The following UPF1 variants were observed in gnomAD, a reference collection of about 807,000 sequenced individuals.
UPF1 encodes the protein UPF1 RNA helicase and ATPase, also known as regulator of nonsense transcripts 1.
A neutral mutation model predicts 129.2 loss-of-function variants in UPF1; 9 were observed. That is an observed-to-expected ratio of 0.07 (90% CI 0.04 to 0.12). The LOEUF (loss-of-function observed/expected upper bound fraction) is 0.12. Ranked by LOEUF, UPF1 falls within the 10% of genes least tolerant of loss-of-function variation. The pLI is 1.00. For synonymous variants in UPF1, 649 were observed against 644.9 expected (o/e 1.01, Z -0.10); for missense variants, 788 against 1,525.3 (o/e 0.52, Z 8.05).
At chr19:18,860,558 A>T in intron 16 of UPF1, 120 bp downstream of exon 16, 1 of 1,056,406 alleles carries the variant, frequency 9.5e-7, no homozygotes, top group Non-Finnish European at 1.4e-6. Context: ...TTTCCTGTTT[A>T]GCCTGTTTAG....
chr19:18,848,050 C>G (rs1273679812), intron 3 of UPF1: 2 of 478,236 alleles, frequency 4.2e-6, no homozygotes, highest in African/African-American at 3.9e-5. Flanking sequence ...TTTTATTATG[C>G]AAGTAGGGTT....
chr19:18,857,250 C>T lies in UPF1; in HGVS notation c.1969-70C>T, dbSNP rs575297799. 146 of 1,537,486 alleles carry T rather than the reference C, an allele frequency of 9.5e-5. No homozygotes were observed. The African/African-American group carries it at 1.6e-3, about 17-fold the overall frequency. On this transcript the variant is annotated intron_variant, in intron 14 of 23. Transcript: ENST00000262803. The stretch of plus-strand genomic sequence containing the variant: ...CCTGTGCATCCTGGGGCCCCTACTT[C>T]CTTGCTAGTGTGTGTTGAGGCTGAT...
chr19:18,866,337 C>T (rs1428317833), intron 23 of UPF1, among the ~76,000 whole-genome samples, 171 bp downstream of exon 23: 1 of 152,178 alleles, frequency 6.6e-6, no homozygotes, highest in Non-Finnish European at 1.5e-5. Flanking sequence ...CACTGCTAGT[C>T]AGGGTGGCTC....
chr19:18,848,259 C>A (rs1005894703), intron 3 of UPF1: 6 of 169,834 alleles, frequency 3.5e-5, no homozygotes, highest in Admixed American at 2.4e-4. Flanking sequence ...CCTGAATCAT[C>A]GGCTTCAATT....
At position 18,865,248 on chromosome 19, in the gene UPF1, C is replaced by A; in HGVS notation, c.2858-41C>A. 1 of 1,564,688 alleles carries A rather than the reference C, an allele frequency of 6.4e-7. No homozygotes were observed. The highest frequency in any genetic ancestry group is 2.3e-5 in the East Asian group (1 of 43,414). ...GGGTGGGGTATCGCTGGGGTTTGAC[C>A]GAGGCAGGTGACACCTGCCGTGTTC... On this transcript the variant is annotated intron_variant, in intron 20 of 23. Coordinates refer to ENST00000262803, the MANE Select transcript of UPF1 (RefSeq NM_002911.4). This position sits in a 1 kb window ranked among gnomAD's most constrained non-coding sequence, Gnocchi z 6.1.
At position 18,853,190 on chromosome 19, in the gene UPF1, C is replaced by CT. The variant is rs1601114038; in HGVS notation, c.1058-61dup. 9 of 1,595,830 alleles carry CT rather than the reference C, an allele frequency of 5.6e-6. No homozygotes were observed. Among genetic ancestry groups the CT allele is most frequent in the Non-Finnish European group, 7.7e-6 (9 of 1,167,514 alleles). On this transcript the variant is annotated intron_variant, in intron 7 of 23. Transcript: ENST00000262803. This position sits in a 1 kb window ranked among gnomAD's most constrained non-coding sequence, Gnocchi z 4.4. ...TGTAAAGTGCCCCTTAATTTGAACT[C>CT]TCCCTGGTGGAAGCGACGGCGTGGG...
In UPF1 at chr19:18,865,924, G is replaced by T; in HGVS notation, c.3238-120G>T. ...CCCTGGGCTGGGGTCATCAGAGTGG[G>T]TCTCCTGGGTCTTAGTTTGGGGACG... On this transcript the variant is annotated intron_variant, in intron 22 of 23. Transcript: ENST00000262803. This position sits in a 1 kb window ranked among gnomAD's most constrained non-coding sequence, Gnocchi z 6.1. The T allele has an allele frequency of 6.3e-7, 1 of 1,582,902 alleles. No homozygotes were observed. The highest frequency in any genetic ancestry group is 1.1e-5 in the South Asian group (1 of 88,304).
rs1263102593 is a variant in UPF1 at position 18,852,248 on chromosome 19, C to T, written c.924C>T (p.Pro308=). ...ACCAGTACCAGAACATATTCGGGCC[C>T]CTGGTCAAGCTGGAGGCCGACTACG... is the stretch of plus-strand genomic sequence containing the variant. ...DAYQYQNIFG[P]LVKLEADYDK... The change falls in exon 6 of 24, where the codon CCC becomes CCT. Residue 308 remains proline, a synonymous_variant. Coordinates refer to ENST00000262803, the MANE Select transcript of UPF1 (RefSeq NM_002911.4). The T allele has an allele frequency of 6.2e-7, 1 of 1,613,762 alleles. No individual in the cohort carries two copies. The highest frequency in any genetic ancestry group is 8.5e-7 in the Non-Finnish European group (1 of 1,179,796).
Position 18,866,180 on chromosome 19 carries a change from G to A in UPF1, c.*3+14G>A, listed in dbSNP as rs918185291. On this transcript the variant is annotated intron_variant, in intron 23 of 23. Transcript: ENST00000262803. ...CAGTATTAAAAGGCAAGCCCCCCTG[G>A]AGCAGGCCTGGCCCCACCCCAGCCT... 1.3e-6 allele frequency: 2 copies of A among 1,574,428 alleles called. No individual in the cohort carries two copies. The highest frequency in any genetic ancestry group is 2.7e-5 in the African/African-American group (2 of 73,738).
chr19:18,850,349 G>A lies in UPF1; in HGVS notation c.629+107G>A. ...GCCGTGGCTCTAACTCCAGGGAGTT[G>A]TCCTCCAAAGATGGTTTTTGCTGAA... is the stretch of plus-strand genomic sequence containing the variant. On this transcript the variant is annotated intron_variant, in intron 4 of 23. Coordinates refer to ENST00000262803, the MANE Select transcript of UPF1 (RefSeq NM_002911.4). The surrounding 1 kb of genome is among the most constrained non-coding windows in gnomAD (Gnocchi z 7.1). 7.0e-7 allele frequency: 1 copy of A among 1,430,584 alleles called. No homozygotes were observed. Among genetic ancestry groups the A allele is most frequent in the Non-Finnish European group, 9.3e-7 (1 of 1,071,788 alleles). 88.6% of individuals were successfully genotyped at this position (1,430,584 alleles called of 1,614,324 possible). A position where few individuals can be genotyped will look rare whatever the true frequency, so the allele number is the denominator to read the frequency against.
At chr19:18,849,821 A>T (rs1291911448) in intron 3 of UPF1, 11 of 490,884 alleles carry the variant, frequency 2.2e-5, no homozygotes, top group Admixed American at 1.1e-4. Flanking sequence ...CAGGATTTTT[A>T]AAAAAGGCAG....
intron 1 of UPF1, among the ~76,000 whole-genome samples, chr19:18,836,321 C>T (rs1001437450): frequency 6.6e-6 from 1 of 152,128 alleles, no homozygotes; most frequent in Non-Finnish European, 1.5e-5. Flanking sequence ...ATCCTCCAAA[C>T]GGGAACTAGA....
At position 18,832,418 on chromosome 19, in the gene UPF1, C is replaced by A. The variant is rs1392798663; in HGVS notation, c.209C>A (p.Ala70Glu). The stretch of plus-strand genomic sequence containing the variant: ...CCGGGCGGCGCGGGCGCGGGCGCTG[C>A]GGCGGGACAGCTCGACGCGCAGGTG... ...GGPGGAGAGA[A>E]AGQLDAQVGP... Residue 70 changes from alanine (A) to glutamate (E), a missense_variant, in exon 1 of 24, where the codon GCG (alanine) becomes GAG (glutamate). By Grantham distance (107) the Ala-to-Glu change is moderately radical. Around this residue, in one of 6 missense-constraint regions of UPF1, gnomAD observed 112 missense variants for 128.2 expected, o/e 0.87. Coordinates refer to ENST00000262803, the MANE Select transcript of UPF1 (RefSeq NM_002911.4). This position sits in a 1 kb window ranked among gnomAD's most constrained non-coding sequence, Gnocchi z 5.6. 1 of 997,462 alleles carries A rather than the reference C, an allele frequency of 1.0e-6. No individual in the cohort carries two copies. The highest frequency in any genetic ancestry group is 1.8e-5 in the African/African-American group (1 of 57,092). The allele number at this position is 997,462 out of a possible 1,614,324, so 61.8% of individuals were successfully genotyped here. A position where few individuals can be genotyped will look rare whatever the true frequency, so the allele number is the denominator to read the frequency against.
Position 18,832,623 on chromosome 19 carries a change from A to G in UPF1, c.231+183A>G, listed in dbSNP as rs533889059. ...GAGCTTACCTGCCCCAGGTCCTGCAATCTGCCCGGGCCTGGCCTGATCTGC... is the reference window on the plus strand; with the variant it reads ...GAGCTTACCTGCCCCAGGTCCTGCAGTCTGCCCGGGCCTGGCCTGATCTGC... On this transcript the variant is annotated intron_variant, in intron 1 of 23. Coordinates refer to ENST00000262803, the MANE Select transcript of UPF1 (RefSeq NM_002911.4). The surrounding 1 kb of genome is among the most constrained non-coding windows in gnomAD (Gnocchi z 5.6). Among the ~76,000 whole-genome samples the G allele has an allele frequency of 9.9e-5, 15 of 151,810 alleles. No homozygotes were observed. In the East Asian group the frequency reaches 1.8e-3, roughly 18 times the overall value.
rs1412257477 is a variant in UPF1 at position 18,860,851 on chromosome 19, A to G, written c.2326A>G (p.Ile776Val). ...GACCGAGGCTGCGAACGTGGAGAAG[A>G]TCACCACGAAGTTGCTGAAGGCAGG... ...NRTEAANVEK[I>V]TTKLLKAGAK... Residue 776 changes from isoleucine to valine, a missense_variant, in exon 17 of 24, where the codon ATC (isoleucine) becomes GTC (valine). Ile to Val is a conservative substitution (Grantham distance 29, BLOSUM62 3). This residue lies in a region of UPF1 where 140 missense variants were observed against 385.9 expected (regional missense o/e 0.36). Transcript: ENST00000262803. The G allele has an allele frequency of 6.2e-7, 1 of 1,612,338 alleles. No homozygotes were observed. The highest frequency in any genetic ancestry group is 8.5e-7 in the Non-Finnish European group (1 of 1,179,560).
intron 1 of UPF1, among the ~76,000 whole-genome samples, chr19:18,843,522 T>TG (rs1011690074): frequency 6.8e-5 from 10 of 147,706 alleles, no homozygotes; most frequent in Admixed American, 2.7e-4. Flanking sequence ...TTCTTTGTTT[T>TG]TTTTTTTTTT....
chr19:18,837,514 C>T (rs1366722206), intron 1 of UPF1, among the ~76,000 whole-genome samples: 2 of 152,226 alleles, frequency 1.3e-5, no homozygotes, highest in East Asian at 1.9e-4. Flanking sequence ...CCGGAAGCAG[C>T]CCCAGTGGCC....
intron 20 of UPF1, among the ~76,000 whole-genome samples, chr19:18,864,676 C>T (rs1190988831): frequency 6.6e-6 from 1 of 151,334 alleles, no homozygotes; most frequent in Non-Finnish European, 1.5e-5. Context: ...TTCTGCTCAG[C>T]CTCCCAAAGT....
In UPF1 at chr19:18,854,921, G is replaced by C. The variant is rs137917420; in HGVS notation, c.1308G>C (p.Ser436=). ...ALKTFAVDET[S]VSGYIYHKLL... ...AAACGTTTGCCGTGGATGAGACCTCGGTGTCTGGCTACATCTACCACAAGC... is the reference window on the plus strand; with the variant it reads ...AAACGTTTGCCGTGGATGAGACCTCCGTGTCTGGCTACATCTACCACAAGC... Residue 436 remains serine (S), a synonymous_variant, in exon 10 of 24, where the codon TCG becomes TCC. Coordinates refer to ENST00000262803, the MANE Select transcript of UPF1 (RefSeq NM_002911.4). 1.9e-6 allele frequency: 3 copies of C among 1,614,232 alleles called. No homozygotes were observed. The highest frequency in any genetic ancestry group is 2.5e-6 in the Non-Finnish European group (3 of 1,180,046).
Sources: gnomAD v4.1 joint callset for allele counts (sites outside exome capture counted in the v4.1 genomes callset) on GRCh38, gnomAD v4.1.1 for gene constraint, gnomAD v4.1.1 regional missense constraint, Gnocchi (gnomAD v3.1) non-coding constraint, MANE v1.5 for transcripts, NCBI Gene and HGNC (gene_info 2026-07-23, HGNC 2026-07-21) for gene names.